The following DIMT1 variants were observed in gnomAD, a reference collection of about 807,000 sequenced individuals.
DIMT1 encodes dimethyladenosine transferase.
A neutral mutation model predicts 43.2 loss-of-function variants in DIMT1; 36 were observed. The ratio of observed to expected loss-of-function variants is 0.83; its 90% CI spans 0.64 to 1.10. The LOEUF is 1.10. Ranked by LOEUF, DIMT1 falls within the 50% of genes least tolerant of loss-of-function variation. The probability of loss-of-function intolerance (pLI) is 0.00; values close to 1 mark genes in which losing one functional copy is unlikely to be tolerated. For missense variants in DIMT1, 341 were observed against 385.3 expected, an observed-to-expected ratio of 0.88 and a Z score of 0.96; for synonymous variants, 126 against 130.3, an observed-to-expected ratio of 0.97 and a Z score of 0.22.
chr5:62,399,026 T>C, intron 3 of DIMT1, 145 bp from the exon 4 acceptor site: 1 of 727,482 alleles, frequency 1.4e-6, no homozygotes, highest in Non-Finnish European at 2.2e-6. Context: ...TATACTCGCA[T>C]ACTTCAAACA....
intron 11 of DIMT1, among the ~76,000 whole-genome samples, chr5:62,389,803 T>G (rs1312668822): frequency 6.6e-6 from 1 of 152,186 alleles, no homozygotes; most frequent in Non-Finnish European, 1.5e-5. Flanking sequence ...CCTATGTACT[T>G]AATAGATTCT....
At chr5:62,394,734 A>G in intron 6 of DIMT1, 127 bp from the exon 7 acceptor site, 1 of 1,340,924 alleles carries the variant, frequency 7.5e-7, no homozygotes, top group Non-Finnish European at 1.0e-6. Flanking sequence ...GTAGGAGAAC[A>G]CATTCAGCCT....
intron 3 of DIMT1, 88 bp from the exon 4 acceptor site, chr5:62,398,969 A>G (rs545006140): frequency 2.3e-5 from 24 of 1,045,102 alleles, no homozygotes; most frequent in Middle Eastern, 3.1e-4. Flanking sequence ...TACATGATTT[A>G]TGTGACAAAC....
intron 6 of DIMT1, among the ~76,000 whole-genome samples, chr5:62,396,769 C>A (rs771650882): frequency 6.6e-6 from 1 of 151,010 alleles, no homozygotes; most frequent in African/African-American, 2.4e-5. Context: ...CCTGAGCATT[C>A]AAAAAAAAAC....
Position 62,403,747 on chromosome 5 carries a change from ATGGCCCCCGACT to A in DIMT1, c.14_25del (p.Lys5_Ala8del). On this transcript the variant is annotated inframe_deletion, in exon 1 of 12. Coordinates refer to ENST00000199320, the MANE Select transcript of DIMT1 (RefSeq NM_014473.4). Reference sequence around the variant, plus strand: ...CTCCTGCCGCCCGCGGCGGCGGCCGATGGCCCCCGACTTGACCTTCGGCATCTCGGCAGAAAG... The same window carrying A: ...CTCCTGCCGCCCGCGGCGGCGGCCGATGACCTTCGGCATCTCGGCAGAAAG... 6.2e-7 allele frequency: 1 copy of A among 1,610,182 alleles called. No individual in the cohort carries two copies.
intron 3 of DIMT1, 73 bp downstream of exon 3, chr5:62,401,963 T>C: frequency 1.4e-6 from 2 of 1,411,572 alleles, no homozygotes; most frequent in South Asian, 1.2e-5. Context: ...AGTTAAAACA[T>C]ATTTAGATTG....
chr5:62,401,715 T>C (rs1742713337), intron 3 of DIMT1, among the ~76,000 whole-genome samples: 1 of 149,570 alleles, frequency 6.7e-6, no homozygotes. Context: ...CCCAAGTAGC[T>C]GGGACTACAG....
rs373188637 is a variant in DIMT1, at chr5:62,398,507, A to T, written c.446+4T>A. The T allele has an allele frequency of 6.2e-7, 1 of 1,611,808 alleles. No homozygotes were observed. The highest frequency in any genetic ancestry group is 1.7e-5 in the Admixed American group (1 of 59,998). On this transcript the variant is annotated splice_donor_region_variant and intron_variant, in intron 6 of 11. Coordinates refer to ENST00000199320, the MANE Select transcript of DIMT1 (RefSeq NM_014473.4). The stretch of plus-strand genomic sequence containing the variant: ...GGCAGTAACTCTAGTCTTTTGTCAC[A>T]AACCTGAAAAAAGGTCGATGTAGCA...
chr5:62,392,055 CTT>C, intron 10 of DIMT1, 114 bp downstream of exon 10: 4 of 1,583,736 alleles, frequency 2.5e-6, no homozygotes, highest in Non-Finnish European at 3.4e-6. Flanking sequence ...TATATATTGT[CTT>C]TTAAGGATCT....
At chr5:62,396,139 G>GTTATTTTTTTTTTTTTTTTTTTTT (rs1742478362) in intron 6 of DIMT1, among the ~76,000 whole-genome samples, 1 of 116,746 alleles carries the variant, frequency 8.6e-6, no homozygotes, top group African/African-American at 3.6e-5. Context: ...GTCACTGCAG[G>GTTATTTTTTTTTTTTTTTTTTTTT]TTTTTTTTTT....
intron 8 of DIMT1, among the ~76,000 whole-genome samples, chr5:62,393,199 T>A (rs1742366668): frequency 6.6e-6 from 1 of 152,200 alleles, no homozygotes; most frequent in African/African-American, 2.4e-5. Context: ...TCACTGAATA[T>A]GTCTTTTCCT....
chr5:62,393,869 T>G, intron 8 of DIMT1, 86 bp downstream of exon 8: 1 of 1,158,562 alleles, frequency 8.6e-7, no homozygotes, highest in Middle Eastern at 2.7e-4. Flanking sequence ...TTAGGTTGAT[T>G]CAATATTTTT....
In DIMT1 at chr5:62,403,826, C is replaced by G. The variant is rs370225756; in HGVS notation, c.-54G>C. The G allele has an allele frequency of 6.4e-7, 1 of 1,570,164 alleles. No individual in the cohort carries two copies. The highest frequency in any genetic ancestry group is 1.4e-5 in the African/African-American group (1 of 73,354). ...GGACGTCAAGGAGGACCAAAGAGGG[C>G]TAGCGTGAGAAAGCCACCACGTGGG... On this transcript the variant is annotated 5_prime_UTR_variant, in exon 1 of 12. Coordinates refer to ENST00000199320, the MANE Select transcript of DIMT1 (RefSeq NM_014473.4).
At chr5:62,392,280 A>G (rs1382990970) in intron 9 of DIMT1, 46 bp from the exon 10 acceptor site, 1 of 1,550,334 alleles carries the variant, frequency 6.5e-7, no homozygotes, top group Admixed American at 2.0e-5. Context: ...CCAAAGTCAG[A>G]GTAATTTCTT....
intron 2 of DIMT1, 81 bp downstream of exon 2, chr5:62,403,192 G>T: frequency 8.0e-7 from 1 of 1,257,376 alleles, no homozygotes. Flanking sequence ...ATTTACGGCA[G>T]GCAGACTTTC....
At chr5:62,398,053 C>CT (rs1450184074) in intron 6 of DIMT1, among the ~76,000 whole-genome samples, 1 of 152,108 alleles carries the variant, frequency 6.6e-6, no homozygotes, top group African/African-American at 2.4e-5. Context: ...GATAGGGGCT[C>CT]TTTTCAAACT....
At chr5:62,391,761 GA>G (rs2112035535) in intron 10 of DIMT1, 1 of 1,362,722 alleles carries the variant, frequency 7.3e-7, no homozygotes, top group Non-Finnish European at 9.4e-7. Flanking sequence ...TCTATACAAA[GA>G]AAGTAATAAC....
In DIMT1 at chr5:62,397,481, G is replaced by A. The variant is rs114648857; in HGVS notation, c.446+1030C>T. On this transcript the variant is annotated intron_variant, in intron 6 of 11. Transcript: ENST00000199320. ...TATGGTGTTGGCTATTGTTTGTGCT[G>A]TTGAATGTTGTTCCTCGTCACTTAG... 4.5e-3 allele frequency among the ~76,000 whole-genome samples: 688 copies of A among 152,324 alleles called. 5 individuals carry two copies. The highest frequency in any genetic ancestry group is 0.016 in the African/African-American group (645 of 41,572).
intron 10 of DIMT1, chr5:62,391,645 C>A: frequency 9.4e-7 from 1 of 1,063,114 alleles, no homozygotes; most frequent in Non-Finnish European, 1.1e-6. Context: ...AAACTGGAAG[C>A]TAAAAAGATA....
Sources: gnomAD v4.1 joint callset for allele counts (sites outside exome capture counted in the v4.1 genomes callset) on GRCh38, gnomAD v4.1.1 for gene constraint, MANE v1.5 for transcripts, NCBI Gene and HGNC (gene_info 2026-07-23, HGNC 2026-07-21) for gene names.